MYOCD: variants seen among roughly 807,000 people sequenced by gnomAD.
MYOCD encodes the protein myocardin.
In MYOCD, 32 loss-of-function variants were observed where a neutral mutation model predicts 96.1. That is an observed-to-expected ratio of 0.33 (90% CI 0.25 to 0.45). The LOEUF (loss-of-function observed/expected upper bound fraction) is 0.45, where lower values mean the gene tolerates loss of function less well. MYOCD is among the 20% of genes least tolerant of loss of function. MYOCD has a pLI of 1.00. For synonymous variants in MYOCD, 469 were observed against 469.0 expected (o/e 1.00, Z 0.00); for missense variants, 1,133 against 1,200.6 (o/e 0.94, Z 0.83).
At chr17:12,707,142 A>G (rs1160452055) in intron 2 of MYOCD, among the ~76,000 whole-genome samples, 1 of 152,210 alleles carries the variant, frequency 6.6e-6, no homozygotes, top group African/African-American at 2.4e-5. Flanking sequence ...CTTCAGTCCA[A>G]TCAGAGATTA....
chr17:12,732,392 C>A (rs554688597), intron 5 of MYOCD, among the ~76,000 whole-genome samples: 78 of 152,280 alleles, frequency 5.1e-4, no homozygotes, highest in Non-Finnish European at 1.0e-3. Flanking sequence ...GCTGTCCTGT[C>A]CACCGCTGAC....
In MYOCD at chr17:12,718,574, A is replaced by G. The variant is rs988975902; in HGVS notation, c.253+1153A>G. 1.4e-4 allele frequency among the ~76,000 whole-genome samples: 21 copies of G among 152,358 alleles called. No individual in the cohort carries two copies. The South Asian group carries it at 1.9e-3, about 14-fold the overall frequency. On this transcript the variant is annotated intron_variant, in intron 4 of 13. Coordinates refer to ENST00000425538, the MANE Select transcript of MYOCD (RefSeq NM_001146312.3). Reference sequence around the variant, plus strand: ...ATTTGTTATTTATTCTGGCTTTCCAAGACTGACCCTTTTTCAACCCTAAAG... The same window carrying G: ...ATTTGTTATTTATTCTGGCTTTCCAGGACTGACCCTTTTTCAACCCTAAAG...
chr17:12,724,826 T>A (rs1449534818), intron 5 of MYOCD, among the ~76,000 whole-genome samples: 2 of 152,072 alleles, frequency 1.3e-5, no homozygotes. Flanking sequence ...TTCTTTACAT[T>A]TGTCTGATTT....
chr17:12,725,896 G>A (rs764259889), intron 5 of MYOCD, among the ~76,000 whole-genome samples: 1 of 151,944 alleles, frequency 6.6e-6, no homozygotes, highest in East Asian at 1.9e-4. Context: ...TTTTTTAAAC[G>A]CTTTTAAAGC....
At chr17:12,707,981 A>T (rs979039355) in intron 2 of MYOCD, among the ~76,000 whole-genome samples, 31 of 152,236 alleles carry the variant, frequency 2.0e-4, no homozygotes, top group African/African-American at 7.2e-4. Context: ...ATACATATAT[A>T]CATATATATG....
chr17:12,699,491 G>C (rs1301167968), intron 1 of MYOCD, among the ~76,000 whole-genome samples: 2 of 152,108 alleles, frequency 1.3e-5, no homozygotes, highest in African/African-American at 4.8e-5. Context: ...CTTACTTAAA[G>C]ATGATGCCCG....
At chr17:12,727,796 A>G (rs2032043194) in intron 5 of MYOCD, among the ~76,000 whole-genome samples, 1 of 152,164 alleles carries the variant, frequency 6.6e-6, no homozygotes, top group Non-Finnish European at 1.5e-5. Context: ...TCTTACTCCC[A>G]GACATCATCC....
At chr17:12,739,721 A>G (rs2074708252) in intron 7 of MYOCD, among the ~76,000 whole-genome samples, 1 of 152,252 alleles carries the variant, frequency 6.6e-6, no homozygotes, top group African/African-American at 2.4e-5. Flanking sequence ...AAAAGCTTGC[A>G]TAACGTAAAA....
intron 2 of MYOCD, among the ~76,000 whole-genome samples, chr17:12,708,607 G>A (rs930458543): frequency 6.6e-6 from 1 of 152,050 alleles, no homozygotes; most frequent in Middle Eastern, 3.2e-3. Flanking sequence ...TGGCCAGGAT[G>A]GTCTCGAACT....
At chr17:12,728,801 G>A (rs139349521) in intron 5 of MYOCD, among the ~76,000 whole-genome samples, 40 of 152,246 alleles carry the variant, frequency 2.6e-4, no homozygotes, top group African/African-American at 5.5e-4. Flanking sequence ...AAAAGAACCC[G>A]TGATTTAGAA....
chr17:12,742,661 C>T (rs2032547491), intron 7 of MYOCD, among the ~76,000 whole-genome samples: 1 of 152,014 alleles, frequency 6.6e-6, no homozygotes, highest in African/African-American at 2.4e-5. Context: ...ACCTCCACCT[C>T]CTGGGTTCAA....
chr17:12,758,283 A>C, intron 12 of MYOCD, 70 bp downstream of exon 12: 8 of 1,603,100 alleles, frequency 5.0e-6, no homozygotes, highest in South Asian at 3.3e-5. Flanking sequence ...TGATATGATT[A>C]AACTTCACGC....
intron 5 of MYOCD, among the ~76,000 whole-genome samples, chr17:12,732,795 C>T (rs2032216309): frequency 6.6e-6 from 1 of 152,166 alleles, no homozygotes; most frequent in African/African-American, 2.4e-5. Context: ...TGCCAGGTGT[C>T]AGAGTGGAAA....
intron 2 of MYOCD, among the ~76,000 whole-genome samples, chr17:12,714,883 G>T (rs771658026): frequency 6.6e-6 from 1 of 152,222 alleles, no homozygotes; most frequent in East Asian, 1.9e-4. Flanking sequence ...AGCCCTAACT[G>T]ATCCTGGGCA....
chr17:12,742,746 A>G (rs1303492488), intron 7 of MYOCD, among the ~76,000 whole-genome samples: 1 of 151,262 alleles, frequency 6.6e-6, no homozygotes, highest in African/African-American at 2.4e-5. Flanking sequence ...AATTTTTTGT[A>G]TTTTTACCAG....
chr17:12,666,589 T>G (rs541721199), intron 1 of MYOCD, among the ~76,000 whole-genome samples: 4 of 152,344 alleles, frequency 2.6e-5, no homozygotes, highest in Middle Eastern at 3.4e-3. Flanking sequence ...AGCTGCGTAG[T>G]ATCGGTTATA....
intron 1 of MYOCD, among the ~76,000 whole-genome samples, chr17:12,694,547 G>C (rs79302570): frequency 0.03 from 4,584 of 152,222 alleles, 179 homozygotes; most frequent in Admixed American, 0.11. Context: ...CCCTGACCCA[G>C]CAGCCAGGCC....
chr17:12,757,069 G>A (rs935474517), intron 11 of MYOCD, among the ~76,000 whole-genome samples: 3 of 152,180 alleles, frequency 2.0e-5, no homozygotes, highest in African/African-American at 7.2e-5. Context: ...ATCAGGGTGT[G>A]TGGGAAACAA....
chr17:12,701,525 G>C (rs2031074407), intron 1 of MYOCD, among the ~76,000 whole-genome samples: 2 of 152,022 alleles, frequency 1.3e-5, no homozygotes, highest in Admixed American at 1.3e-4. Flanking sequence ...CTACTTGTCT[G>C]TTTTCTATTA....
Sources: gnomAD v4.1 joint callset for allele counts (sites outside exome capture counted in the v4.1 genomes callset) on GRCh38, gnomAD v4.1.1 for gene constraint, MANE v1.5 for transcripts, NCBI Gene and HGNC (gene_info 2026-07-23, HGNC 2026-07-21) for gene names.